Variants in MXRA7 observed in about 807,000 individuals in gnomAD.
MXRA7 encodes matrix-remodeling-associated protein 7.
A neutral mutation model predicts 17.4 loss-of-function variants in MXRA7; 18 were observed. That is an observed-to-expected ratio of 1.03 (90% CI 0.71 to 1.53). MXRA7 has a LOEUF of 1.53. Among genes scored for constraint, MXRA7 ranks in the 40% most tolerant of loss-of-function variants. The pLI is 0.00. For missense variants in MXRA7, 141 were observed against 209.3 expected (o/e 0.67, Z 2.01); for synonymous variants, 70 against 101.7 (o/e 0.69, Z 1.87).
chr17:76,710,739 C>A lies in MXRA7; in HGVS notation c.208G>T (p.Gly70Trp), dbSNP rs766228678. 4.3e-5 allele frequency: 48 copies of A among 1,122,768 alleles called. No individual in the cohort carries two copies. Among genetic ancestry groups the A allele is most frequent in the Non-Finnish European group, 5.2e-5 (47 of 909,088 alleles). 69.6% of individuals were successfully genotyped at this position (1,122,768 alleles called of 1,614,324 possible). The change falls in exon 1 of 4, where the codon GGG becomes TGG. Residue 70 changes from glycine to tryptophan, a missense_variant. This residue lies in a region of MXRA7 where 72 missense variants were observed against 111.9 expected (regional missense o/e 0.64). Transcript: ENST00000449428. ...GCGGGCTCTCCAGGCTCCTCCGGCC[C>A]CGCGGGCGAGGCCGCCGGCTCGGGG... ...CAPEPAASPA[G>W]PEEPGEPAGL... is the part of the protein sequence containing the mutation.
In MXRA7 at chr17:76,700,874, A is replaced by T. The variant is rs532937457; in HGVS notation, c.342+9731T>A. On this transcript the variant is annotated intron_variant, in intron 1 of 3. Coordinates refer to ENST00000449428, the MANE Select transcript of MXRA7 (RefSeq NM_198530.4). The stretch of plus-strand genomic sequence containing the variant: ...TCTGCTCACGGGGGCAAGGACATAG[A>T]GAGGAGAGAGGTGAGGACCGACTGC... 3.9e-5 allele frequency among the ~76,000 whole-genome samples: 6 copies of T among 152,120 alleles called. No homozygotes were observed. In the East Asian group the frequency reaches 1.2e-3, roughly 29 times the overall value.
At chr17:76,678,847 C>T (rs1416961636), downstream of MXRA7, among the ~76,000 whole-genome samples, 2 of 152,152 alleles carry the variant, frequency 1.3e-5, no homozygotes. Context: ...CATCTTCCAT[C>T]CTGCAAAATT....
intron 1 of MXRA7, among the ~76,000 whole-genome samples, chr17:76,690,834 A>C (rs922892758): frequency 2.6e-5 from 4 of 152,020 alleles, no homozygotes; most frequent in Non-Finnish European, 4.4e-5. Flanking sequence ...CAGCCTCTGG[A>C]ATAGCTGGGA....
At chr17:76,702,040 G>T (rs531261829) in intron 1 of MXRA7, among the ~76,000 whole-genome samples, 2 of 152,294 alleles carry the variant, frequency 1.3e-5, no homozygotes, top group African/African-American at 4.8e-5. Context: ...CCCTATCAGG[G>T]AATATCAGGT....
chr17:76,680,768 G>A lies in MXRA7; in HGVS notation c.*99C>T. 2.0e-6 allele frequency: 3 copies of A among 1,535,450 alleles called. No individual in the cohort carries two copies. Among genetic ancestry groups the A allele is most frequent in the Non-Finnish European group, 2.6e-6 (3 of 1,141,786 alleles). ...TTTATGGAGGCAGCATGCACCCTGG[G>A]AGCCTGCCCAGACTCCTCTCTGGGG... On this transcript the variant is annotated 3_prime_UTR_variant, in exon 4 of 4. Coordinates refer to ENST00000449428, the MANE Select transcript of MXRA7 (RefSeq NM_198530.4).
chr17:76,704,415 C>A (rs1328189639), intron 1 of MXRA7, among the ~76,000 whole-genome samples: 1 of 150,470 alleles, frequency 6.6e-6, no homozygotes, highest in Non-Finnish European at 1.5e-5. Flanking sequence ...CTGTGTTAGC[C>A]AGGATGGTCT....
downstream of MXRA7, among the ~76,000 whole-genome samples, chr17:76,678,604 G>A (rs1439349784): frequency 2.0e-5 from 3 of 152,268 alleles, no homozygotes; most frequent in East Asian, 3.9e-4. Flanking sequence ...CACACACCAC[G>A]GGCTCAGTGC....
chr17:76,673,913 G>A (rs1336781492), exon 4 of MXRA7: 3 of 152,322 alleles, frequency 2.0e-5, no homozygotes, highest in East Asian at 3.9e-4. Context: ...GAGGGAAGGA[G>A]GCCCTGAAAC....
chr17:76,683,635 C>T (rs1405781842), intron 3 of MXRA7, among the ~76,000 whole-genome samples: 2 of 152,222 alleles, frequency 1.3e-5, no homozygotes, highest in East Asian at 3.9e-4. Flanking sequence ...AGGGACTTAA[C>T]TCCCCTCCAG....
rs915621789 is a variant in MXRA7 at position 76,681,279 on chromosome 17, T to C, written c.501-400A>G. On this transcript the variant is annotated intron_variant, in intron 3 of 3. Coordinates refer to ENST00000449428, the MANE Select transcript of MXRA7 (RefSeq NM_198530.4). The surrounding 1 kb of genome is among the most constrained non-coding windows in gnomAD (Gnocchi z 4.7). ...TTCCCGCTGGCTGAGTTTTGTCCCC[T>C]CGGGGGATACTGGCACCCTAGGATG... Among the ~76,000 whole-genome samples, 5 of 152,230 alleles carry C rather than the reference T, an allele frequency of 3.3e-5. No homozygotes were observed. The highest frequency in any genetic ancestry group is 7.4e-5 in the Non-Finnish European group (5 of 67,994).
At chr17:76,703,133 G>C (rs1036074972) in intron 1 of MXRA7, among the ~76,000 whole-genome samples, 3 of 151,806 alleles carry the variant, frequency 2.0e-5, no homozygotes, top group Admixed American at 1.3e-4. Flanking sequence ...ATTTATCTCA[G>C]ACTCTGAGTC....
At chr17:76,683,890 C>T in intron 3 of MXRA7, 2 of 1,614,180 alleles carry the variant, frequency 1.2e-6, no homozygotes, top group South Asian at 2.2e-5. Context: ...ACCTAAGGAA[C>T]TTGCTACAGG....
chr17:76,701,552 T>C (rs1052626147), intron 1 of MXRA7, among the ~76,000 whole-genome samples: 2 of 151,972 alleles, frequency 1.3e-5, no homozygotes, highest in South Asian at 2.1e-4. Context: ...AGGTGTGTTC[T>C]GGAAGGCAGC....
downstream of MXRA7, chr17:76,676,778 T>A (rs1397444282): frequency 6.6e-6 from 1 of 152,240 alleles, no homozygotes; most frequent in East Asian, 1.9e-4. Flanking sequence ...CTGGATGTAG[T>A]GGTACACACC....
chr17:76,710,474 C>G, intron 1 of MXRA7, 131 bp downstream of exon 1: 2 of 737,530 alleles, frequency 2.7e-6, no homozygotes, highest in Non-Finnish European at 3.6e-6. Context: ...TCCTGCGGGC[C>G]GCGGGTTCTG....
At chr17:76,675,934 T>C (rs971907762), downstream of MXRA7, 1 of 152,148 alleles carries the variant, frequency 6.6e-6, no homozygotes, top group South Asian at 2.1e-4. Context: ...AGTGTGTTGA[T>C]TGAGCTTTAT....
At chr17:76,682,619 A>G (rs923264073) in intron 3 of MXRA7, among the ~76,000 whole-genome samples, 2 of 151,938 alleles carry the variant, frequency 1.3e-5, no homozygotes, top group Non-Finnish European at 1.5e-5. Context: ...CGTGATGTGG[A>G]GCCGCGGAGA....
intron 1 of MXRA7, among the ~76,000 whole-genome samples, chr17:76,704,315 C>T (rs1246393167): frequency 6.8e-6 from 1 of 147,482 alleles, no homozygotes; most frequent in East Asian, 2.2e-4. Flanking sequence ...ACGCCATCCT[C>T]CTGCCTCAGC....
chr17:76,695,856 G>A (rs1241962569), intron 1 of MXRA7, among the ~76,000 whole-genome samples: 1 of 152,158 alleles, frequency 6.6e-6, no homozygotes, highest in Non-Finnish European at 1.5e-5. Flanking sequence ...ACTTTGGGAG[G>A]TTAAGGCAGG....
Sources: allele counts gnomAD v4.1 joint callset (sites outside exome capture counted in the v4.1 genomes callset), GRCh38; gene constraint gnomAD v4.1.1; regional missense constraint gnomAD v4.1.1; non-coding constraint Gnocchi (gnomAD v3.1); transcripts MANE v1.5; gene names NCBI Gene and HGNC (gene_info 2026-07-23, HGNC 2026-07-21).